BABAM2: variants seen among roughly 807,000 people sequenced by gnomAD.
BABAM2 encodes BRISC and BRCA1 A complex member 2.
A neutral mutation model predicts 54.7 loss-of-function variants in BABAM2; 31 were observed. That is an observed-to-expected ratio of 0.57 (90% CI 0.43 to 0.77). The LOEUF (loss-of-function observed/expected upper bound fraction) is 0.77. Ranked by LOEUF, BABAM2 falls within the 30% of genes least tolerant of loss-of-function variation. BABAM2 has a pLI of 0.00. For missense variants in BABAM2, 364 were observed against 455.8 expected (o/e 0.80, Z 1.83); for synonymous variants, 167 against 162.9 (o/e 1.03, Z -0.19).
At chr2:27,990,820 T>C (rs1422779135) in intron 4 of BABAM2, among the ~76,000 whole-genome samples, 1 of 152,052 alleles carries the variant, frequency 6.6e-6, no homozygotes, top group East Asian at 1.9e-4. Context: ...ATATAATCTT[T>C]TATTTATTCA....
chr2:28,170,068 G>GTTAA (rs1320795418), intron 7 of BABAM2, among the ~76,000 whole-genome samples: 1 of 151,664 alleles, frequency 6.6e-6, no homozygotes, highest in Non-Finnish European at 1.5e-5. Flanking sequence ...TTTTGTTTTA[G>GTTAA]TTAACATTTG....
Position 28,231,785 on chromosome 2 carries a change from CTTTTTTTTTTTTTTTTTT to C in BABAM2, c.681-5396_681-5379del, listed in dbSNP as rs549515372. On this transcript the variant is annotated intron_variant, in intron 7 of 11. Coordinates refer to ENST00000379624, the MANE Select transcript of BABAM2 (RefSeq NM_199191.3). The stretch of plus-strand genomic sequence containing the variant: ...CATTCTAATGCTTTGAGAGAGATGT[CTTTTTTTTTTTTTTTTTT>C]TTTTTTTTTTTTTTTTTTTTAAGAG... Among the ~76,000 whole-genome samples the C allele has an allele frequency of 2.9e-4, 17 of 57,678 alleles. No homozygotes were observed. In the South Asian group the frequency reaches 4.1e-3, roughly 14 times the overall value. The allele number at this position is 57,678 out of a possible 152,430, so 37.8% of individuals were successfully genotyped here. A position where few individuals can be genotyped will look rare whatever the true frequency, so the allele number is the denominator to read the frequency against.
intron 7 of BABAM2, among the ~76,000 whole-genome samples, chr2:28,154,360 A>G (rs1672347744): frequency 6.6e-6 from 1 of 152,244 alleles, no homozygotes; most frequent in African/African-American, 2.4e-5. Context: ...CTTTTGGATA[A>G]TGACACATTC....
intron 7 of BABAM2, among the ~76,000 whole-genome samples, chr2:28,198,715 A>AT (rs1369151790): frequency 6.6e-6 from 1 of 152,102 alleles, no homozygotes; most frequent in Non-Finnish European, 1.5e-5. Context: ...TGGCCAAAAC[A>AT]TTTTTCACTA....
chr2:28,275,868 T>C (rs1685833072), intron 10 of BABAM2, among the ~76,000 whole-genome samples: 1 of 152,184 alleles, frequency 6.6e-6, no homozygotes, highest in South Asian at 2.1e-4. Context: ...CATGCGCTGT[T>C]AGAAATAGTT....
chr2:28,142,464 G>T (rs1671149384), intron 7 of BABAM2, among the ~76,000 whole-genome samples: 1 of 152,166 alleles, frequency 6.6e-6, no homozygotes, highest in South Asian at 2.1e-4. Flanking sequence ...GAAGTTATAT[G>T]TATCAGTGGA....
At chr2:28,257,617 C>T (rs749153054) in intron 10 of BABAM2, among the ~76,000 whole-genome samples, 1 of 152,162 alleles carries the variant, frequency 6.6e-6, no homozygotes, top group Non-Finnish European at 1.5e-5. Flanking sequence ...GACTCGGTGG[C>T]TCAGGCCTGT....
At chr2:27,942,242 GGT>G (rs1668944267) in intron 3 of BABAM2, among the ~76,000 whole-genome samples, 1 of 152,112 alleles carries the variant, frequency 6.6e-6, no homozygotes. Context: ...AGGACCCAGT[GGT>G]GTTGCGAAGT....
intron 2 of BABAM2, among the ~76,000 whole-genome samples, chr2:27,900,143 T>A (rs751810122): frequency 6.6e-6 from 1 of 152,202 alleles, no homozygotes; most frequent in Non-Finnish European, 1.5e-5. Flanking sequence ...GACACAGTTA[T>A]GAGTGGTAGG....
intron 10 of BABAM2, among the ~76,000 whole-genome samples, chr2:28,250,441 TA>T (rs1451000734): frequency 6.6e-6 from 1 of 151,318 alleles, no homozygotes; most frequent in African/African-American, 2.4e-5. Context: ...TTCATTCTGG[TA>T]AAATATAGCA....
chr2:28,298,533 T>C, intron 11 of BABAM2, 42 bp downstream of exon 11: 1 of 1,612,442 alleles, frequency 6.2e-7, no homozygotes, highest in Non-Finnish European at 8.5e-7. Flanking sequence ...AAGAGCATTT[T>C]GTTTATCTAG....
At chr2:27,943,298 G>C (rs1316431768) in intron 3 of BABAM2, among the ~76,000 whole-genome samples, 4 of 152,054 alleles carry the variant, frequency 2.6e-5, no homozygotes, top group Non-Finnish European at 5.9e-5. Context: ...TCTCAGCCTG[G>C]CATTCAAGGC....
At chr2:28,046,758 G>T (rs1428512037) in intron 6 of BABAM2, among the ~76,000 whole-genome samples, 3 of 150,236 alleles carry the variant, frequency 2.0e-5, no homozygotes, top group East Asian at 3.9e-4. Context: ...CATAGAAAAG[G>T]TTAGGGAATT....
intron 2 of BABAM2, among the ~76,000 whole-genome samples, chr2:27,895,591 C>T (rs1665229236): frequency 6.6e-6 from 1 of 152,132 alleles, no homozygotes. Context: ...GTTAAGTGAT[C>T]ACTATAAAGT....
intron 7 of BABAM2, among the ~76,000 whole-genome samples, chr2:28,187,825 C>T (rs189023450): frequency 7.7e-4 from 117 of 151,960 alleles, no homozygotes; most frequent in African/African-American, 1.7e-3. Context: ...CACACCACCA[C>T]GCCCGGTTTA....
At chr2:28,165,335 G>C (rs541174609) in intron 7 of BABAM2, among the ~76,000 whole-genome samples, 4 of 152,064 alleles carry the variant, frequency 2.6e-5, no homozygotes, top group African/African-American at 9.6e-5. Context: ...GAGGTGAGGA[G>C]GTATAAAGTA....
chr2:27,897,819 A>G (rs1004303728), intron 2 of BABAM2, among the ~76,000 whole-genome samples: 1 of 152,210 alleles, frequency 6.6e-6, no homozygotes, highest in African/African-American at 2.4e-5. Context: ...CAATCTAGAT[A>G]AAGATTGGAG....
chr2:28,232,079 T>C (rs928882951), intron 7 of BABAM2, among the ~76,000 whole-genome samples: 14 of 152,150 alleles, frequency 9.2e-5, no homozygotes, highest in Admixed American at 4.6e-4. Context: ...GTGCTAGGAT[T>C]ACAGGCCCAA....
intron 4 of BABAM2, among the ~76,000 whole-genome samples, chr2:27,992,349 T>G (rs1672842272): frequency 6.6e-6 from 1 of 152,200 alleles, no homozygotes; most frequent in Non-Finnish European, 1.5e-5. Flanking sequence ...CTGTTCAATA[T>G]GGAACTTGAC....
Sources: allele counts gnomAD v4.1 joint callset (sites outside exome capture counted in the v4.1 genomes callset), GRCh38; gene constraint gnomAD v4.1.1; transcripts MANE v1.5; gene names NCBI Gene and HGNC (gene_info 2026-07-23, HGNC 2026-07-21).